Variants in CSF2RB observed in about 807,000 individuals in gnomAD.
CSF2RB encodes the protein colony stimulating factor 2 receptor subunit beta.
A neutral mutation model predicts 67.2 loss-of-function variants in CSF2RB; 22 were observed. The observed-to-expected ratio is 0.33, with a 90% confidence interval of 0.23 to 0.47. The LOEUF is 0.47. CSF2RB is among the 20% of genes least tolerant of loss of function. The pLI is 1.00. For synonymous variants in CSF2RB, 507 were observed against 482.9 expected (o/e 1.05, Z -0.65); for missense variants, 1,113 against 1,174.5 (o/e 0.95, Z 0.76).
At position 36,929,397 on chromosome 22, in the gene CSF2RB, T is replaced by A. The variant is rs1469194338; in HGVS notation, c.392-5T>A. ...CTTAGGTGCCCTTCACTTCCTCCCC[T>A]CCAGTCCAGCCTCCTGAGCCCAGGG... On this transcript the variant is annotated splice_polypyrimidine_tract_variant and splice_region_variant and intron_variant, in intron 4 of 13. Coordinates refer to ENST00000403662, the MANE Select transcript of CSF2RB (RefSeq NM_000395.3). 4 of 1,613,886 alleles carry A rather than the reference T, an allele frequency of 2.5e-6. No homozygotes were observed. The East Asian group carries it at 8.9e-5, about 36-fold the overall frequency.
At position 36,937,583 on chromosome 22, in the gene CSF2RB, C is replaced by A; in HGVS notation, c.1775C>A (p.Pro592His). The change falls in exon 14 of 14, where the codon CCC becomes CAC. Residue 592 changes from proline to histidine, a missense_variant. Physicochemically the swap from Pro to His is moderately conservative, Grantham distance 77. Coordinates refer to ENST00000403662, the MANE Select transcript of CSF2RB (RefSeq NM_000395.3). This position sits in a 1 kb window ranked among gnomAD's most constrained non-coding sequence, Gnocchi z 4.6. ...GCTTCCAGCTTTGACTTCAATGGGC[C>A]CTACCTGGGGCCGCCCCACAGCCGC... The part of the protein sequence containing the change: ...KQASSFDFNG[P>H]YLGPPHSRSL... 1 of 1,604,664 alleles carries A rather than the reference C, an allele frequency of 6.2e-7. No individual in the cohort carries two copies.
At position 36,930,501 on chromosome 22, in the gene CSF2RB, C is replaced by G; in HGVS notation, c.845C>G (p.Pro282Arg). The change falls in exon 7 of 14, where the codon CCA (proline) becomes CGA (arginine). Residue 282 changes from proline to arginine, a missense_variant. By Grantham distance (103) the Pro-to-Arg change is moderately radical. Coordinates refer to ENST00000403662, the MANE Select transcript of CSF2RB (RefSeq NM_000395.3). ...TTTGGCCTATTCTACAAGCCCAGCC[C>G]AGATGCAGGGTGAGCATCTTTTTTC... ...VSFGLFYKPS[P>R]DAGEEECSPV... 6.2e-7 allele frequency: 1 copy of G among 1,613,516 alleles called. No individual in the cohort carries two copies. The highest frequency in any genetic ancestry group is 8.5e-7 in the Non-Finnish European group (1 of 1,180,016).
chr22:36,925,867 T>C, intron 3 of CSF2RB, 120 bp from the exon 4 acceptor site: 1 of 1,144,512 alleles, frequency 8.7e-7, no homozygotes, highest in South Asian at 1.3e-5. Context: ...TTTTTGTGTG[T>C]TTTATCACTG....
rs573978402 is a variant in CSF2RB at position 36,929,136 on chromosome 22, G to A, written c.392-266G>A. Among the ~76,000 whole-genome samples the A allele has an allele frequency of 8.5e-5, 13 of 152,308 alleles. No homozygotes were observed. In the South Asian group the frequency reaches 2.7e-3, roughly 32 times the overall value. Reference sequence around the variant, plus strand: ...GCCTCAGGACAGAGGAGGCTCCAATGAGTTTCCTCGCCAGCGCTTTTTATG... The same window carrying A: ...GCCTCAGGACAGAGGAGGCTCCAATAAGTTTCCTCGCCAGCGCTTTTTATG... On this transcript the variant is annotated intron_variant, in intron 4 of 13. Coordinates refer to ENST00000403662, the MANE Select transcript of CSF2RB (RefSeq NM_000395.3).
In CSF2RB at chr22:36,935,209, A is replaced by T. The variant is rs1941240756; in HGVS notation, c.1316-142A>T. ...GCATGGATCTGGCCTCTCTCCCCTA[A>T]TCCCCCAAGGCAGTAAGTTCCAGAG... On this transcript the variant is annotated intron_variant, in intron 10 of 13. Transcript: ENST00000403662. 20 of 780,216 alleles carry T rather than the reference A, an allele frequency of 2.6e-5. No individual in the cohort carries two copies. The East Asian group carries it at 5.3e-4, about 21-fold the overall frequency. The allele number at this position is 780,216 out of a possible 1,614,324, so 48.3% of individuals were successfully genotyped here. A position where few individuals can be genotyped will look rare whatever the true frequency, so the allele number is the denominator to read the frequency against.
intron 1 of CSF2RB, among the ~76,000 whole-genome samples, chr22:36,920,624 G>A (rs538546466): frequency 1.1e-4 from 17 of 152,268 alleles, no homozygotes; most frequent in African/African-American, 2.9e-4. Context: ...TTTGCACTCC[G>A]TCCTTTCCTT....
chr22:36,938,846 T>C lies in CSF2RB; in HGVS notation c.*344T>C. On this transcript the variant is annotated 3_prime_UTR_variant, in exon 14 of 14. Coordinates refer to ENST00000403662, the MANE Select transcript of CSF2RB (RefSeq NM_000395.3). ...TGCTTTTGCCATTTTTCTTCCTTCTTTTTTCACTGATTTATTATGAGAGTG... is the reference window on the plus strand; with the variant it reads ...TGCTTTTGCCATTTTTCTTCCTTCTCTTTTCACTGATTTATTATGAGAGTG... 1.9e-6 allele frequency: 1 copy of C among 539,628 alleles called. No individual in the cohort carries two copies. The highest frequency in any genetic ancestry group is 2.9e-5 in the East Asian group (1 of 34,478). 33.4% of individuals were successfully genotyped at this position (539,628 alleles called of 1,614,324 possible).
At chr22:36,922,331 T>A in intron 2 of CSF2RB, 48 bp downstream of exon 2, 1 of 1,524,434 alleles carries the variant, frequency 6.6e-7, no homozygotes, top group Non-Finnish European at 8.9e-7. Flanking sequence ...TCCTCACTGC[T>A]GCACCCTGGG....
intron 4 of CSF2RB, 82 bp downstream of exon 4, chr22:36,926,259 A>T: frequency 7.2e-7 from 1 of 1,386,944 alleles, no homozygotes; most frequent in Non-Finnish European, 1.0e-6. Context: ...GGAGTCTTCA[A>T]GGCAGAAGGC....
At chr22:36,927,568 G>A (rs1941046196) in intron 4 of CSF2RB, among the ~76,000 whole-genome samples, 1 of 152,174 alleles carries the variant, frequency 6.6e-6, no homozygotes, top group African/African-American at 2.4e-5. Context: ...ATTGTGTCCA[G>A]GGAGCATCAG....
rs77657614 is a variant in CSF2RB, at chr22:36,933,391, G to A, written c.1153-441G>A. Among the ~76,000 whole-genome samples, 1,286 of 152,260 alleles carry A rather than the reference G, an allele frequency of 8.4e-3. 16 individuals carry two copies. The highest frequency in any genetic ancestry group is 0.05 in the South Asian group (243 of 4,816). On this transcript the variant is annotated intron_variant, in intron 9 of 13. Coordinates refer to ENST00000403662, the MANE Select transcript of CSF2RB (RefSeq NM_000395.3). ...CCCCACACCTTCAGTCTAGAAATGG[G>A]GCAACTGAGGCTAGGAGGGAGGTGG...
At position 36,929,629 on chromosome 22, in the gene CSF2RB, C is replaced by T. The variant is rs1941104396; in HGVS notation, c.550-10C>T. Reference sequence around the variant, plus strand: ...GCACCCCTCCTCCAGCACCCACTGTCTCCTGACAGGACGCAGCCATCCTCC... The same window carrying T: ...GCACCCCTCCTCCAGCACCCACTGTTTCCTGACAGGACGCAGCCATCCTCC... On this transcript the variant is annotated splice_polypyrimidine_tract_variant and intron_variant, in intron 5 of 13. Coordinates refer to ENST00000403662, the MANE Select transcript of CSF2RB (RefSeq NM_000395.3). 1.3e-5 allele frequency: 21 copies of T among 1,614,122 alleles called. No individual in the cohort carries two copies. Among genetic ancestry groups the T allele is most frequent in the Non-Finnish European group, 1.7e-5 (20 of 1,180,040 alleles).
At chr22:36,917,729 C>T (rs1457310812) in intron 1 of CSF2RB, among the ~76,000 whole-genome samples, 1 of 152,106 alleles carries the variant, frequency 6.6e-6, no homozygotes, top group East Asian at 1.9e-4. Flanking sequence ...TTGAGACCAA[C>T]CTGGCCAACA....
intron 1 of CSF2RB, among the ~76,000 whole-genome samples, chr22:36,915,580 C>CA (rs1940700154): frequency 6.6e-6 from 1 of 152,068 alleles, no homozygotes; most frequent in African/African-American, 2.4e-5. Flanking sequence ...CATCTAATCT[C>CA]ACGTTGATCG....
intron 2 of CSF2RB, chr22:36,922,611 T>C (rs2145782463): frequency 2.0e-6 from 1 of 493,440 alleles, no homozygotes; most frequent in African/African-American, 1.9e-5. Flanking sequence ...TGTGCCTCAG[T>C]GGTTCCCACC....
chr22:36,934,008 G>A lies in CSF2RB; in HGVS notation c.1315+14G>A, dbSNP rs1381582786. On this transcript the variant is annotated intron_variant, in intron 10 of 13. Coordinates refer to ENST00000403662, the MANE Select transcript of CSF2RB (RefSeq NM_000395.3). ...ACACCGAGTCGGGTAGGTGAAGGCT[G>A]GAGTCCAGAGCTTCTGGCCAGGACC... The A allele has an allele frequency of 6.2e-7, 1 of 1,611,456 alleles. No individual in the cohort carries two copies.
rs182044158 is a variant in CSF2RB, at chr22:36,919,199, C to T, written c.-172-2837C>T. ...AGGGACACGGTCTTCCATTGTCTTTCAGACTAGGTAGCTGACATTGTCTGC... is the reference window on the plus strand; with the variant it reads ...AGGGACACGGTCTTCCATTGTCTTTTAGACTAGGTAGCTGACATTGTCTGC... On this transcript the variant is annotated intron_variant, in intron 1 of 13. Coordinates refer to ENST00000403662, the MANE Select transcript of CSF2RB (RefSeq NM_000395.3). 4.0e-3 allele frequency among the ~76,000 whole-genome samples: 605 copies of T among 152,320 alleles called. 7 individuals carry two copies. The highest frequency in any genetic ancestry group is 0.014 in the African/African-American group (577 of 41,576).
Position 36,939,401 on chromosome 22 carries a change from G to T in CSF2RB, c.*899G>T, listed in dbSNP as rs1004738675. ...AGGCATATATGCTTTAGGGCCTTTG[G>T]TCCAAATGGCCCGGGTGGCCACTCT... On this transcript the variant is annotated 3_prime_UTR_variant, in exon 14 of 14. Coordinates refer to ENST00000403662, the MANE Select transcript of CSF2RB (RefSeq NM_000395.3). 19 of 619,148 alleles carry T rather than the reference G, an allele frequency of 3.1e-5. No homozygotes were observed. The highest frequency in any genetic ancestry group is 2.6e-4 in the Middle Eastern group (1 of 3,852). The allele number at this position is 619,148 out of a possible 1,614,324, so 38.4% of individuals were successfully genotyped here.
chr22:36,924,258 C>A (rs983851481), intron 3 of CSF2RB, among the ~76,000 whole-genome samples: 3 of 151,760 alleles, frequency 2.0e-5, no homozygotes, highest in Non-Finnish European at 4.4e-5. Flanking sequence ...CCACCCACCC[C>A]ACACTCACAC....
Sources: allele counts gnomAD v4.1 joint callset (sites outside exome capture counted in the v4.1 genomes callset), GRCh38; gene constraint gnomAD v4.1.1; non-coding constraint Gnocchi (gnomAD v3.1); transcripts MANE v1.5; gene names NCBI Gene and HGNC (gene_info 2026-07-23, HGNC 2026-07-21).